The following CHODL variants were observed in gnomAD, a reference collection of about 807,000 sequenced individuals.
CHODL encodes chondrolectin, also known as transmembrane protein MT75.
In CHODL, 29 loss-of-function variants were observed where a neutral mutation model predicts 34.5. The ratio of observed to expected loss-of-function variants is 0.84; its 90% CI spans 0.63 to 1.15. The LOEUF is 1.15. Among genes scored for constraint, CHODL ranks in the 50% most tolerant of loss-of-function variants. The pLI is 0.00. For missense variants in CHODL, 332 were observed against 332.5 expected (o/e 1.00, Z 0.01); for synonymous variants, 125 against 116.1 (o/e 1.08, Z -0.49).
intron 1 of CHODL, among the ~76,000 whole-genome samples, chr21:17,943,535 G>T (rs1600991700): frequency 6.6e-6 from 1 of 152,338 alleles, no homozygotes; most frequent in East Asian, 1.9e-4. Context: ...TTCAGACCAG[G>T]ATGGTGAAGT....
intron 1 of CHODL, among the ~76,000 whole-genome samples, chr21:17,996,746 A>C (rs1210648048): frequency 6.6e-6 from 1 of 152,242 alleles, no homozygotes; most frequent in Non-Finnish European, 1.5e-5. Context: ...CAAAGACTGA[A>C]GTACTTCATG....
At chr21:18,001,036 G>A (rs2063900773) in intron 1 of CHODL, among the ~76,000 whole-genome samples, 4 of 152,138 alleles carry the variant, frequency 2.6e-5, no homozygotes, top group African/African-American at 9.7e-5. Context: ...ATCATCTAGT[G>A]TGAGATATAC....
chr21:18,173,637 C>T (rs1009738952), intron 2 of CHODL, among the ~76,000 whole-genome samples: 13 of 152,166 alleles, frequency 8.5e-5, no homozygotes, highest in African/African-American at 3.1e-4. Flanking sequence ...ATATATTTTG[C>T]TGCTTTAATT....
At chr21:18,248,938 T>TA (rs1480324650) in intron 1 of CHODL, among the ~76,000 whole-genome samples, 1 of 111,586 alleles carries the variant, frequency 9.0e-6, no homozygotes, top group Non-Finnish European at 1.6e-5. Flanking sequence ...TACATATATA[T>TA]TATGTATACA....
chr21:18,101,716 T>A (rs2065216563), intron 2 of CHODL, among the ~76,000 whole-genome samples: 2 of 40,040 alleles, frequency 5.0e-5, no homozygotes, highest in African/African-American at 2.4e-4. Flanking sequence ...TTTACAACAT[T>A]TTTTTTTTTT....
intron 2 of CHODL, among the ~76,000 whole-genome samples, chr21:18,230,555 A>G (rs1343680091): frequency 2.0e-5 from 3 of 152,110 alleles, no homozygotes; most frequent in Non-Finnish European, 4.4e-5. Context: ...GCTTGTTGAT[A>G]CCATATAATA....
intron 2 of CHODL, among the ~76,000 whole-genome samples, chr21:18,148,484 G>C (rs1302919390): frequency 6.6e-6 from 1 of 152,056 alleles, no homozygotes; most frequent in African/African-American, 2.4e-5. Context: ...ACTTGGGGGA[G>C]AATTTGTAGG....
intron 2 of CHODL, among the ~76,000 whole-genome samples, chr21:18,092,792 T>C (rs903474998): frequency 6.6e-6 from 1 of 152,076 alleles, no homozygotes; most frequent in Non-Finnish European, 1.5e-5. Context: ...GAAAAAAGAA[T>C]ACAAAACAGT....
chr21:18,163,185 A>G (rs770989635), intron 2 of CHODL, among the ~76,000 whole-genome samples: 8 of 152,238 alleles, frequency 5.3e-5, no homozygotes, highest in South Asian at 2.1e-4. Context: ...TTATTGAACA[A>G]TTGAATTATG....
chr21:18,115,442 A>T (rs1169936390), intron 2 of CHODL, among the ~76,000 whole-genome samples: 2 of 152,202 alleles, frequency 1.3e-5, no homozygotes, highest in Non-Finnish European at 2.9e-5. Context: ...CTTATTCTGT[A>T]ACTCCAGGGA....
At chr21:18,100,232 A>C (rs777639820) in intron 2 of CHODL, among the ~76,000 whole-genome samples, 5 of 152,172 alleles carry the variant, frequency 3.3e-5, no homozygotes, top group Non-Finnish European at 7.4e-5. Context: ...CAAACTGTGG[A>C]AAGATACATT....
chr21:18,148,241 T>C (rs917873358), intron 2 of CHODL, among the ~76,000 whole-genome samples: 1 of 152,154 alleles, frequency 6.6e-6, no homozygotes, highest in African/African-American at 2.4e-5. Context: ...TTTTAAGCAA[T>C]CACAACTCAC....
chr21:18,160,114 A>G (rs910574397), intron 2 of CHODL, among the ~76,000 whole-genome samples: 1 of 152,166 alleles, frequency 6.6e-6, no homozygotes, highest in Non-Finnish European at 1.5e-5. Flanking sequence ...ATCTCATTTA[A>G]TCCTTTCAAC....
intron 2 of CHODL, among the ~76,000 whole-genome samples, chr21:18,223,385 C>T (rs757251999): frequency 8.5e-5 from 13 of 152,110 alleles, no homozygotes; most frequent in Non-Finnish European, 1.5e-4. Context: ...GCATTCCCTA[C>T]GAGAAATACA....
At chr21:18,099,958 G>C (rs1018267391) in intron 2 of CHODL, 1 of 152,060 alleles carries the variant, frequency 6.6e-6, no homozygotes, top group Non-Finnish European at 1.5e-5. Context: ...GAGGGGTCCA[G>C]ATGTTATCCA....
At chr21:17,942,404 TC>T (rs2063372463) in intron 1 of CHODL, among the ~76,000 whole-genome samples, 1 of 152,134 alleles carries the variant, frequency 6.6e-6, no homozygotes, top group Admixed American at 6.5e-5. Flanking sequence ...AAGGGGAGTT[TC>T]CCTGCACAAG....
chr21:17,927,648 T>C (rs2063239753), intron 1 of CHODL, among the ~76,000 whole-genome samples: 1 of 152,174 alleles, frequency 6.6e-6, no homozygotes, highest in African/African-American at 2.4e-5. Flanking sequence ...GACCAGCACC[T>C]ACATGTGCCA....
At chr21:17,931,827 A>C (rs995813462) in intron 1 of CHODL, among the ~76,000 whole-genome samples, 1 of 152,200 alleles carries the variant, frequency 6.6e-6, no homozygotes, top group Admixed American at 6.5e-5. Flanking sequence ...AGACTTAAAT[A>C]TAAGACATGA....
chr21:18,181,818 T>C (rs1013540148), intron 2 of CHODL, among the ~76,000 whole-genome samples: 2 of 152,218 alleles, frequency 1.3e-5, no homozygotes, highest in African/African-American at 4.8e-5. Context: ...GACTGACTTC[T>C]TTCACTTAGG....
Sources: gnomAD v4.1 joint callset for allele counts (sites outside exome capture counted in the v4.1 genomes callset) on GRCh38, gnomAD v4.1.1 for gene constraint, MANE v1.5 for transcripts, NCBI Gene and HGNC (gene_info 2026-07-23, HGNC 2026-07-21) for gene names.